The following PTPRD variants were observed in gnomAD, a reference collection of about 807,000 sequenced individuals.
PTPRD encodes the protein protein tyrosine phosphatase receptor type D.
PTPRD carries 34 observed loss-of-function variants against 214.5 expected under a neutral mutation model. The observed-to-expected ratio is 0.16, with a 90% confidence interval of 0.12 to 0.21. The LOEUF is 0.21. PTPRD is among the 10% of genes least tolerant of loss of function. The pLI is 1.00. For synonymous variants in PTPRD, 1,128 were observed against 845.7 expected, an observed-to-expected ratio of 1.33 and a Z score of -5.79; for missense variants, 2,545 against 2,398.7, an observed-to-expected ratio of 1.06 and a Z score of -1.27.
chr9:9,219,352 T>G (rs554610365), intron 9 of PTPRD, among the ~76,000 whole-genome samples: 1 of 152,214 alleles, frequency 6.6e-6, no homozygotes, highest in East Asian at 1.9e-4. Flanking sequence ...ATTGTTTTGT[T>G]CAAAATATCA....
chr9:8,316,887 G>A lies in PTPRD; in HGVS notation c.*987C>T, dbSNP rs1822205316. 1 of 225,778 alleles carries A rather than the reference G, an allele frequency of 4.4e-6. No individual in the cohort carries two copies. The highest frequency in any genetic ancestry group is 6.1e-5 in the East Asian group (1 of 16,282). The allele number at this position is 225,778 out of a possible 1,614,324, so 14.0% of individuals were successfully genotyped here. On this transcript the variant is annotated 3_prime_UTR_variant, in exon 46 of 46. Coordinates refer to ENST00000381196, the MANE Select transcript of PTPRD (RefSeq NM_002839.4). ...CTACGTTTAAAAAAACTAAATCATG[G>A]AAGAACTGACTGACTGATAACTGTA...
intron 14 of PTPRD, among the ~76,000 whole-genome samples, chr9:8,608,851 A>G (rs549297424): frequency 6.6e-6 from 1 of 152,314 alleles, no homozygotes; most frequent in Admixed American, 6.5e-5. Context: ...TATGTACTTT[A>G]TCTCTACAAT....
intron 3 of PTPRD, among the ~76,000 whole-genome samples, chr9:10,171,170 T>C (rs1402181837): frequency 1.3e-5 from 2 of 152,198 alleles, no homozygotes; most frequent in Admixed American, 1.3e-4. Context: ...GGAGATCTAC[T>C]GTTCAACTTC....
At chr9:9,174,923 G>A (rs1250636858) in intron 10 of PTPRD, among the ~76,000 whole-genome samples, 2 of 151,922 alleles carry the variant, frequency 1.3e-5, no homozygotes, top group Non-Finnish European at 1.5e-5. Flanking sequence ...TTATGAAGTG[G>A]GGCCATTGAA....
At chr9:8,904,105 A>T (rs1017686857) in intron 11 of PTPRD, among the ~76,000 whole-genome samples, 3 of 152,218 alleles carry the variant, frequency 2.0e-5, no homozygotes, top group African/African-American at 7.2e-5. Context: ...ACCAATTGTG[A>T]ATAATTTGCA....
intron 2 of PTPRD, among the ~76,000 whole-genome samples, chr9:10,348,849 T>C (rs2097134011): frequency 6.6e-6 from 1 of 152,118 alleles, no homozygotes; most frequent in Non-Finnish European, 1.5e-5. Context: ...ATAAGATGGC[T>C]ACAAAGATGA....
At chr9:10,541,866 A>C (rs2059194043) in intron 2 of PTPRD, among the ~76,000 whole-genome samples, 1 of 152,088 alleles carries the variant, frequency 6.6e-6, no homozygotes, top group Non-Finnish European at 1.5e-5. Context: ...TTACCAATAA[A>C]AGTGTAAGAC....
intron 2 of PTPRD, among the ~76,000 whole-genome samples, chr9:10,404,439 G>T (rs2382209): frequency 0.79 from 120,443 of 151,580 alleles, 48,457 homozygotes; most frequent in East Asian, 0.89. Context: ...GTTCTTATTT[G>T]TATTATTTTA....
At chr9:8,380,406 C>G (rs760392182) in intron 37 of PTPRD, among the ~76,000 whole-genome samples, 2 of 152,128 alleles carry the variant, frequency 1.3e-5, no homozygotes, top group Non-Finnish European at 2.9e-5. Flanking sequence ...AGAAGAACAG[C>G]AGAACTTGTC....
At chr9:8,387,274 T>C (rs2087474193) in intron 37 of PTPRD, among the ~76,000 whole-genome samples, 1 of 152,144 alleles carries the variant, frequency 6.6e-6, no homozygotes, top group Non-Finnish European at 1.5e-5. Context: ...AACAGAAAGA[T>C]AAACTGTAGG....
rs987204262 is a variant in PTPRD at position 9,200,659 on chromosome 9, T to C, written c.-202-17296A>G. 3.3e-5 allele frequency among the ~76,000 whole-genome samples: 5 copies of C among 152,222 alleles called. No homozygotes were observed. The East Asian group carries it at 7.7e-4, about 23-fold the overall frequency. On this transcript the variant is annotated intron_variant, in intron 9 of 45. Transcript: ENST00000381196. The stretch of plus-strand genomic sequence containing the variant: ...ATTACGCCACTCAGCAAAACAATTG[T>C]AAATCCTTGTGGAAGATTCCCTGGT...
chr9:8,910,453 G>T lies in PTPRD; in HGVS notation c.-104+108244C>A, dbSNP rs528269889. On this transcript the variant is annotated intron_variant, in intron 11 of 45. Coordinates refer to ENST00000381196, the MANE Select transcript of PTPRD (RefSeq NM_002839.4). Reference sequence around the variant, plus strand: ...GATTAATCCACTAATTAATAATTGGGTTAATGGATTTATGAGTTATCACCA... The same window carrying T: ...GATTAATCCACTAATTAATAATTGGTTTAATGGATTTATGAGTTATCACCA... Among the ~76,000 whole-genome samples, 298 of 152,202 alleles carry T rather than the reference G, an allele frequency of 2.0e-3. 1 individual carries two copies. The highest frequency in any genetic ancestry group is 6.5e-3 in the African/African-American group (269 of 41,498).
chr9:9,840,761 CAAAAAAAAAAAAAAAAAAAAA>C (rs59780411), intron 5 of PTPRD, among the ~76,000 whole-genome samples: 13 of 61,618 alleles, frequency 2.1e-4, no homozygotes, highest in South Asian at 7.7e-4. Flanking sequence ...GACTCCGTTT[CAAAAAAAAAAAAAAAAAAAAA>C]AAAAAAAAAA....
At chr9:9,951,973 C>G (rs2093494201) in intron 4 of PTPRD, among the ~76,000 whole-genome samples, 1 of 152,172 alleles carries the variant, frequency 6.6e-6, no homozygotes, top group Non-Finnish European at 1.5e-5. Flanking sequence ...ATGTTGGAAT[C>G]ACCCCCTTGA....
At chr9:9,883,873 G>A (rs2069745209) in intron 5 of PTPRD, among the ~76,000 whole-genome samples, 1 of 152,086 alleles carries the variant, frequency 6.6e-6, no homozygotes, top group Non-Finnish European at 1.5e-5. Flanking sequence ...ATGTCATGCA[G>A]CAGAAATAAT....
intron 3 of PTPRD, among the ~76,000 whole-genome samples, chr9:10,266,037 A>G (rs2094030890): frequency 6.6e-6 from 1 of 152,222 alleles, no homozygotes. Context: ...TAGAAAAAAT[A>G]TAAATATAAC....
At chr9:9,229,204 T>C (rs1178739751) in intron 9 of PTPRD, among the ~76,000 whole-genome samples, 1 of 152,140 alleles carries the variant, frequency 6.6e-6, no homozygotes, top group Non-Finnish European at 1.5e-5. Flanking sequence ...AACTTACAGG[T>C]ATTATCCTTC....
intron 3 of PTPRD, among the ~76,000 whole-genome samples, chr9:10,265,144 C>A (rs1210723426): frequency 6.6e-6 from 1 of 152,110 alleles, no homozygotes; most frequent in Non-Finnish European, 1.5e-5. Flanking sequence ...CAGTATGACA[C>A]CGTGACTCCC....
At chr9:9,890,144 T>C (rs115824578) in intron 5 of PTPRD, among the ~76,000 whole-genome samples, 2,455 of 152,202 alleles carry the variant, frequency 0.016, 64 homozygotes, top group African/African-American at 0.056. Flanking sequence ...TTTCTGATTT[T>C]TTAAAATATC....
Sources: gnomAD v4.1 joint callset for allele counts (sites outside exome capture counted in the v4.1 genomes callset) on GRCh38, gnomAD v4.1.1 for gene constraint, MANE v1.5 for transcripts, NCBI Gene and HGNC (gene_info 2026-07-23, HGNC 2026-07-21) for gene names.